The following MAB21L3 variants were observed in gnomAD, a reference collection of about 807,000 sequenced individuals.
The protein encoded by MAB21L3 is protein mab-21-like 3.
Under a neutral mutation model 37.7 loss-of-function variants are expected in MAB21L3, and 36 were observed. The ratio of observed to expected loss-of-function variants is 0.96; its 90% confidence interval spans 0.73 to 1.26. The LOEUF (loss-of-function observed/expected upper bound fraction) is 1.26. MAB21L3 is among the 50% of genes most tolerant of loss of function. MAB21L3 has a pLI of 0.00. For missense variants in MAB21L3, 430 were observed against 447.3 expected (o/e 0.96, Z 0.35); for synonymous variants, 186 against 176.8 (o/e 1.05, Z -0.41).
At chr1:116,112,700 C>T in intron 3 of MAB21L3, 37 bp downstream of exon 3, 1 of 1,601,378 alleles carries the variant, frequency 6.2e-7, no homozygotes, top group Non-Finnish European at 8.6e-7. Flanking sequence ...GAACCCCCTC[C>T]CCATTCACAC....
chr1:116,134,468 G>C lies in MAB21L3; in HGVS notation c.*1103G>C, dbSNP rs944253675. 2.0e-5 allele frequency: 3 copies of C among 152,242 alleles called. No homozygotes were observed. The highest frequency in any genetic ancestry group is 6.5e-5 in the Admixed American group (1 of 15,278). The allele number at this position is 152,242 out of a possible 1,614,324, so 9.4% of individuals were successfully genotyped here. Reference sequence around the variant, plus strand: ...GAAATAAACAGAATGTTGAAGTAGAGTCCACAGAAAGGTCCCCGAAGGATG... The same window carrying C: ...GAAATAAACAGAATGTTGAAGTAGACTCCACAGAAAGGTCCCCGAAGGATG... On this transcript the variant is annotated 3_prime_UTR_variant, in exon 8 of 8. Transcript: ENST00000369500.
intron 3 of MAB21L3, among the ~76,000 whole-genome samples, chr1:116,119,234 G>A (rs1659673518): frequency 6.6e-6 from 1 of 152,210 alleles, no homozygotes; most frequent in Admixed American, 6.5e-5. Flanking sequence ...TCTATCTTGT[G>A]CATTGCTGTG....
intron 3 of MAB21L3, among the ~76,000 whole-genome samples, chr1:116,118,291 A>T (rs1257154741): frequency 6.6e-6 from 1 of 152,072 alleles, no homozygotes; most frequent in Non-Finnish European, 1.5e-5. Context: ...CTGAGGCAGG[A>T]CAATCACTTG....
chr1:116,120,332 C>T (rs927890727), intron 3 of MAB21L3, among the ~76,000 whole-genome samples: 4 of 151,610 alleles, frequency 2.6e-5, no homozygotes, highest in Non-Finnish European at 5.9e-5. Context: ...AATAGCTGCC[C>T]CTTTATTCTC....
rs769474280 is a variant in MAB21L3 at position 116,133,167 on chromosome 1, C to A, written c.891C>A (p.His297Gln). The stretch of plus-strand genomic sequence containing the variant: ...TTTGGACCTGCGAGAAATATCCCCA[C>A]TTTAAAGACTGGCAGGTCTTCAGCA... ...VLFWTCEKYP[H>Q]FKDWQVFSKA... The change falls in exon 8 of 8, where the codon CAC (histidine) becomes CAA (glutamine). Residue 297 changes from histidine (H) to glutamine (Q), a missense_variant. Transcript: ENST00000369500. 6.2e-7 allele frequency: 1 copy of A among 1,614,212 alleles called. No homozygotes were observed. The highest frequency in any genetic ancestry group is 8.5e-7 in the Non-Finnish European group (1 of 1,180,044).
intron 3 of MAB21L3, among the ~76,000 whole-genome samples, chr1:116,113,379 G>A (rs1174893052): frequency 6.6e-6 from 1 of 152,158 alleles, no homozygotes; most frequent in Non-Finnish European, 1.5e-5. Context: ...AAACCATTAA[G>A]AGAGATAAAT....
intron 3 of MAB21L3, among the ~76,000 whole-genome samples, chr1:116,117,158 C>CATATATATATAT (rs773287860): frequency 0.015 from 1,277 of 85,832 alleles, 39 homozygotes; most frequent in East Asian, 0.022. Flanking sequence ...TCAAAATATA[C>CATATATATATAT]ATACATATAT....
Position 116,114,054 on chromosome 1 carries a change from A to G in MAB21L3, c.48+1391A>G, listed in dbSNP as rs1308556806. Reference sequence around the variant, plus strand: ...CAAACTCAGAGTCCACTTTCTCAAGAAAGAGTCCCTGACACCCCAGCACAA... The same window carrying G: ...CAAACTCAGAGTCCACTTTCTCAAGGAAGAGTCCCTGACACCCCAGCACAA... On this transcript the variant is annotated intron_variant, in intron 3 of 7. Transcript: ENST00000369500. Among the ~76,000 whole-genome samples, 3 of 152,144 alleles carry G rather than the reference A, an allele frequency of 2.0e-5. No homozygotes were observed. The East Asian group carries it at 5.8e-4, about 29-fold the overall frequency.
intron 5 of MAB21L3, among the ~76,000 whole-genome samples, chr1:116,125,967 A>G (rs1570810073): frequency 6.6e-6 from 1 of 152,350 alleles, no homozygotes; most frequent in Admixed American, 6.5e-5. Flanking sequence ...GCAGAGATTC[A>G]GAATGGGCAA....
intron 3 of MAB21L3, among the ~76,000 whole-genome samples, chr1:116,112,969 T>G (rs1170832655): frequency 6.6e-6 from 1 of 152,202 alleles, no homozygotes; most frequent in Non-Finnish European, 1.5e-5. Context: ...TTAACCTGCC[T>G]GAGCCTTGGC....
At chr1:116,119,947 G>T (rs1295671058) in intron 3 of MAB21L3, among the ~76,000 whole-genome samples, 2 of 152,150 alleles carry the variant, frequency 1.3e-5, no homozygotes, top group African/African-American at 2.4e-5. Flanking sequence ...AGAAGCAAAA[G>T]GCAGGGGTGA....
Position 116,128,333 on chromosome 1 carries a change from T to C in MAB21L3, c.849T>C (p.His283=). 6.2e-7 allele frequency: 1 copy of C among 1,611,072 alleles called. No homozygotes were observed. The highest frequency in any genetic ancestry group is 8.5e-7 in the Non-Finnish European group (1 of 1,179,174). The part of the protein sequence containing the change: ...PGNRPVITSH[H]LQTVLFWTCE... ...ACAGGCCGGTTATCACGTCCCACCA[T>C]CTGCAGGTGAGTGTGGGGCAGGTTG... The change falls in exon 7 of 8, where the codon CAT becomes CAC. Residue 283 remains histidine, a synonymous_variant. Transcript: ENST00000369500.
In MAB21L3 at chr1:116,135,595, T is replaced by A. The variant is rs1318981627; in HGVS notation, c.*2230T>A. ...TCCTTCTGAAACTATTCCAATCAATTGAAAAAGAGGGAATCCTCCCTAACT... is the reference window on the plus strand; with the variant it reads ...TCCTTCTGAAACTATTCCAATCAATAGAAAAAGAGGGAATCCTCCCTAACT... On this transcript the variant is annotated 3_prime_UTR_variant, in exon 8 of 8. Transcript: ENST00000369500. Among the ~76,000 whole-genome samples the A allele has an allele frequency of 2.6e-5, 4 of 152,198 alleles. No individual in the cohort carries two copies. The highest frequency in any genetic ancestry group is 2.1e-4 in the South Asian group (1 of 4,812).
Position 116,136,410 on chromosome 1 carries a change from C to G in MAB21L3, c.*3045C>G, listed in dbSNP as rs1660199150. Among the ~76,000 whole-genome samples the G allele has an allele frequency of 6.6e-6, 1 of 151,976 alleles. No individual in the cohort carries two copies. The highest frequency in any genetic ancestry group is 1.5e-5 in the Non-Finnish European group (1 of 67,874). On this transcript the variant is annotated 3_prime_UTR_variant, in exon 8 of 8. Transcript: ENST00000369500. ...GAGAATAAAATACTTAGGAATCCAACTTACAAGGGACGTGAAGGACCTCTT... is the reference window on the plus strand; with the variant it reads ...GAGAATAAAATACTTAGGAATCCAAGTTACAAGGGACGTGAAGGACCTCTT...
intron 7 of MAB21L3, among the ~76,000 whole-genome samples, chr1:116,131,799 T>C (rs1316542735): frequency 6.6e-6 from 1 of 152,062 alleles, no homozygotes; most frequent in Non-Finnish European, 1.5e-5. Context: ...TGGTGATAAT[T>C]TGGATGGTGG....
At chr1:116,126,119 A>T (rs1177072845) in intron 5 of MAB21L3, among the ~76,000 whole-genome samples, 2 of 152,160 alleles carry the variant, frequency 1.3e-5, no homozygotes, top group Non-Finnish European at 2.9e-5. Context: ...TAACACAATT[A>T]ATGTGCTTCC....
At position 116,134,397 on chromosome 1, in the gene MAB21L3, A is replaced by G. The variant is rs1216466186; in HGVS notation, c.*1032A>G. ...ATGGTGGAGACAAGAAATGAACGAC[A>G]GATAAACACGCACAGTTATTACAGA... is the stretch of plus-strand genomic sequence containing the variant. On this transcript the variant is annotated 3_prime_UTR_variant, in exon 8 of 8. Transcript: ENST00000369500. 6.6e-6 allele frequency: 1 copy of G among 152,284 alleles called. No individual in the cohort carries two copies. Among genetic ancestry groups the G allele is most frequent in the Non-Finnish European group, 1.5e-5 (1 of 68,064 alleles). 9.4% of individuals were successfully genotyped at this position (152,284 alleles called of 1,614,324 possible).
At chr1:116,122,172 G>T (rs1208313900) in intron 4 of MAB21L3, among the ~76,000 whole-genome samples, 1 of 152,172 alleles carries the variant, frequency 6.6e-6, no homozygotes, top group Non-Finnish European at 1.5e-5. Flanking sequence ...TCTCAAGGTT[G>T]GTGGACGCAG....
chr1:116,111,983 C>T (rs888045790), intron 2 of MAB21L3, among the ~76,000 whole-genome samples, 173 bp downstream of exon 2: 1 of 152,146 alleles, frequency 6.6e-6, no homozygotes. Flanking sequence ...AACCGTTGTG[C>T]TCTGCGCTGG....
Sources: allele counts gnomAD v4.1 joint callset (sites outside exome capture counted in the v4.1 genomes callset), GRCh38; gene constraint gnomAD v4.1.1; transcripts MANE v1.5; gene names NCBI Gene and HGNC (gene_info 2026-07-23, HGNC 2026-07-21).